The following WNT2B variants were observed in gnomAD, a reference collection of about 807,000 sequenced individuals.
The protein encoded by WNT2B is Wnt family member 2B, also known as protein Wnt-2b.
WNT2B carries 19 observed loss-of-function variants against 40.5 expected under a neutral mutation model. The ratio of observed to expected loss-of-function variants is 0.47; its 90% CI spans 0.33 to 0.69. The LOEUF is 0.69. Ranked by LOEUF, WNT2B falls within the 30% of genes least tolerant of loss-of-function variation. WNT2B has a pLI of 0.02. For missense variants in WNT2B, 467 were observed against 556.4 expected, an observed-to-expected ratio of 0.84 and a Z score of 1.62; for synonymous variants, 220 against 211.9, an observed-to-expected ratio of 1.04 and a Z score of -0.33.
Position 112,529,751 on chromosome 1 carries a change from TAAAAAAAA to T in WNT2B, c.*9256_*9263del, listed in dbSNP as rs78844605. 4 of 98,990 alleles carry T rather than the reference TAAAAAAAA, an allele frequency of 4.0e-5. No individual in the cohort carries two copies. The highest frequency in any genetic ancestry group is 8.6e-5 in the Non-Finnish European group (4 of 46,358). The allele number at this position is 98,990 out of a possible 1,614,324, so 6.1% of individuals were successfully genotyped here. ...TCAATGCCATCCAAAAGATAAAAGT[TAAAAAAAA>T]AAAAAAAAAAAAAGGTAACTATGCT... On this transcript the variant is annotated 3_prime_UTR_variant, in exon 5 of 5. Coordinates refer to ENST00000369684, the MANE Select transcript of WNT2B (RefSeq NM_024494.3).
At chr1:112,482,547 A>G (rs1216531751) in intron 1 of WNT2B, among the ~76,000 whole-genome samples, 3 of 152,054 alleles carry the variant, frequency 2.0e-5, no homozygotes, top group African/African-American at 7.2e-5. Flanking sequence ...TGCCCAGGCT[A>G]GTCTCAAACT....
intron 1 of WNT2B, among the ~76,000 whole-genome samples, chr1:112,483,433 A>T (rs1307303127): frequency 6.6e-6 from 1 of 152,210 alleles, no homozygotes; most frequent in South Asian, 2.1e-4. Context: ...ATGCAGAAGG[A>T]TGAAATTGGA....
In WNT2B at chr1:112,509,533, C is replaced by G. The variant is rs3790605; in HGVS notation, c.182+89C>G. ...GGGACTGGCTGCTCACGGGACCAGG[C>G]TGTTGCTTCGACGGGTTGGAGACGA... is the stretch of plus-strand genomic sequence containing the variant. On this transcript the variant is annotated intron_variant, in intron 1 of 4. Transcript: ENST00000369684. The surrounding 1 kb of genome is among the most constrained non-coding windows in gnomAD (Gnocchi z 4.2). 440,730 of 1,407,644 alleles carry G rather than the reference C, an allele frequency of 0.31. 71,178 individuals carry two copies. Among genetic ancestry groups the G allele is most frequent in the East Asian group, 0.46 (16,731 of 36,472 alleles). 87.2% of individuals were successfully genotyped at this position (1,407,644 alleles called of 1,614,324 possible).
At chr1:112,502,734 G>A (rs1229687018) in intron 1 of WNT2B, among the ~76,000 whole-genome samples, 6 of 152,182 alleles carry the variant, frequency 3.9e-5, no homozygotes, top group Non-Finnish European at 2.9e-5. Context: ...GGAGGAGGGG[G>A]TGGGTTCTGG....
In WNT2B at chr1:112,526,616, C is replaced by T. The variant is rs1653451401; in HGVS notation, c.*6107C>T. On this transcript the variant is annotated 3_prime_UTR_variant, in exon 5 of 5. Transcript: ENST00000369684. Reference sequence around the variant, plus strand: ...ATTAGCCGGGCCTGGTGGCGGGCGCCTGTAGTCCCAGCTACTGGGGAGGCT... The same window carrying T: ...ATTAGCCGGGCCTGGTGGCGGGCGCTTGTAGTCCCAGCTACTGGGGAGGCT... 6.5e-6 allele frequency: 1 copy of T among 152,942 alleles called. No individual in the cohort carries two copies. Among genetic ancestry groups the T allele is most frequent in the South Asian group, 2.0e-4 (1 of 4,880 alleles). The allele number at this position is 152,942 out of a possible 1,614,324, so 9.5% of individuals were successfully genotyped here. A position where few individuals can be genotyped will look rare whatever the true frequency, so the allele number is the denominator to read the frequency against.
intron 1 of WNT2B, among the ~76,000 whole-genome samples, chr1:112,495,546 G>A (rs547913448): frequency 1.2e-4 from 18 of 150,640 alleles, no homozygotes; most frequent in African/African-American, 4.4e-4. Flanking sequence ...CCAAGAACGC[G>A]CCACTGCGCT....
intron 4 of WNT2B, chr1:112,517,884 G>GTATC (rs1652640988): frequency 6.4e-6 from 1 of 156,228 alleles, no homozygotes; most frequent in Non-Finnish European, 1.4e-5. Context: ...AGTGTAGGGA[G>GTATC]TATCTGGATA....
intron 1 of WNT2B, among the ~76,000 whole-genome samples, chr1:112,503,858 A>C (rs1179273245): frequency 6.6e-6 from 1 of 152,000 alleles, no homozygotes; most frequent in African/African-American, 2.4e-5. Flanking sequence ...CCAGAGAGAG[A>C]CCCAGGGAGA....
At chr1:112,489,526 T>C (rs1026021290) in intron 1 of WNT2B, among the ~76,000 whole-genome samples, 2 of 152,090 alleles carry the variant, frequency 1.3e-5, no homozygotes, top group African/African-American at 4.8e-5. Flanking sequence ...ATCACGCCAT[T>C]GCACTCCAGC....
At position 112,516,430 on chromosome 1, in the gene WNT2B, G is replaced by A; in HGVS notation, c.681+13G>A. The A allele has an allele frequency of 6.2e-7, 1 of 1,601,984 alleles. No individual in the cohort carries two copies. Among genetic ancestry groups the A allele is most frequent in the Non-Finnish European group, 8.5e-7 (1 of 1,173,514 alleles). ...CTGTGGTCGCACGGTCAGTACTCAT[G>A]TCTGTGTAAGTACACTCATATTTGC... On this transcript the variant is annotated intron_variant, in intron 3 of 4. Transcript: ENST00000369684.
intron 1 of WNT2B, among the ~76,000 whole-genome samples, chr1:112,498,869 C>T (rs116021953): frequency 0.011 from 1,691 of 152,270 alleles, 47 homozygotes; most frequent in African/African-American, 0.038. Context: ...GTTTTTCCAT[C>T]ATTCACTTCA....
chr1:112,516,970 G>A, intron 3 of WNT2B, 151 bp from the exon 4 acceptor site: 1 of 985,350 alleles, frequency 1.0e-6, no homozygotes, highest in South Asian at 1.7e-5. Context: ...AAGAATGGGT[G>A]GGATCTGATG....
chr1:112,482,890 A>G (rs1189175541), intron 1 of WNT2B, among the ~76,000 whole-genome samples: 1 of 152,186 alleles, frequency 6.6e-6, no homozygotes, highest in Non-Finnish European at 1.5e-5. Context: ...ATTTAACGCC[A>G]TCCCTATCAA....
chr1:112,489,367 T>A (rs992580165), intron 1 of WNT2B, among the ~76,000 whole-genome samples: 4 of 151,730 alleles, frequency 2.6e-5, no homozygotes, highest in Admixed American at 2.6e-4. Context: ...AAGACCAGCA[T>A]GGCCAACATG....
intron 1 of WNT2B, among the ~76,000 whole-genome samples, chr1:112,486,629 A>G (rs1363100190): frequency 1.3e-5 from 2 of 151,942 alleles, no homozygotes; most frequent in Non-Finnish European, 2.9e-5. Context: ...TTATATCCAG[A>G]ACATATGAAG....
At chr1:112,494,058 C>T (rs570449817) in intron 1 of WNT2B, among the ~76,000 whole-genome samples, 29 of 152,078 alleles carry the variant, frequency 1.9e-4, no homozygotes, top group African/African-American at 6.8e-4. Context: ...GCCTGTAATC[C>T]CAGCACTTTG....
At chr1:112,479,222 A>AAAAT (rs1570764217) in intron 1 of WNT2B, among the ~76,000 whole-genome samples, 1 of 152,086 alleles carries the variant, frequency 6.6e-6, no homozygotes, top group South Asian at 2.1e-4. Flanking sequence ...ACTCTGTCTC[A>AAAAT]AAATAAATAA....
At chr1:112,520,218 A>G (rs1264630808) in intron 4 of WNT2B, 62 bp from the exon 5 acceptor site, 2 of 1,484,598 alleles carry the variant, frequency 1.3e-6, no homozygotes, top group Admixed American at 1.9e-5. Context: ...GAATGTGGTT[A>G]AGGGTATCCA....
chr1:112,515,214 G>A lies in WNT2B; in HGVS notation c.403+120G>A. The A allele has an allele frequency of 8.2e-7, 1 of 1,216,460 alleles. No individual in the cohort carries two copies. The allele number at this position is 1,216,460 out of a possible 1,614,324, so 75.4% of individuals were successfully genotyped here. A position where few individuals can be genotyped will look rare whatever the true frequency, so the allele number is the denominator to read the frequency against. On this transcript the variant is annotated intron_variant, in intron 2 of 4. Transcript: ENST00000369684. The surrounding 1 kb of genome is among the most constrained non-coding windows in gnomAD (Gnocchi z 4.4). ...ACACACTGTTTCATCATCAGAGAAA[G>A]AACTGTGGGCAGAGCCCAGGATATA...
Sources: allele counts gnomAD v4.1 joint callset (sites outside exome capture counted in the v4.1 genomes callset), GRCh38; gene constraint gnomAD v4.1.1; non-coding constraint Gnocchi (gnomAD v3.1); transcripts MANE v1.5; gene names NCBI Gene and HGNC (gene_info 2026-07-23, HGNC 2026-07-21).